The following GPAT3 variants were observed in gnomAD, a reference collection of about 807,000 sequenced individuals.
GPAT3 encodes 1-AGP acyltransferase 9.
A neutral mutation model predicts 58.8 loss-of-function variants in GPAT3; 53 were observed. The observed-to-expected ratio is 0.90, with a 90% CI of 0.72 to 1.13. GPAT3 has a LOEUF of 1.13. Ranked by LOEUF, GPAT3 falls within the 50% of genes most tolerant of loss-of-function variation. GPAT3 has a pLI of 0.00. For synonymous variants in GPAT3, 197 were observed against 187.4 expected (o/e 1.05, Z -0.42); for missense variants, 511 against 527.6 (o/e 0.97, Z 0.31).
At chr4:83,547,522 G>A (rs566594721) in intron 2 of GPAT3, among the ~76,000 whole-genome samples, 111 of 152,076 alleles carry the variant, frequency 7.3e-4, no homozygotes, top group Non-Finnish European at 1.3e-3. Context: ...AAAGTGCTGG[G>A]ATTACAGGCG....
At chr4:83,577,132 C>T (rs1190921954) in intron 2 of GPAT3, among the ~76,000 whole-genome samples, 3 of 152,060 alleles carry the variant, frequency 2.0e-5, no homozygotes, top group Non-Finnish European at 2.9e-5. Flanking sequence ...CATGAAGAAA[C>T]GTTAGGCAAA....
chr4:83,544,979 C>T (rs1724453495), intron 2 of GPAT3, among the ~76,000 whole-genome samples: 1 of 152,014 alleles, frequency 6.6e-6, no homozygotes, highest in Non-Finnish European at 1.5e-5. Flanking sequence ...ACTTGTGATT[C>T]TCAAAGTATG....
At chr4:83,586,433 G>C (rs1409411830) in intron 3 of GPAT3, among the ~76,000 whole-genome samples, 1 of 152,124 alleles carries the variant, frequency 6.6e-6, no homozygotes, top group African/African-American at 2.4e-5. Context: ...ACACGTGTGT[G>C]CTCTTCTGGG....
intron 2 of GPAT3, among the ~76,000 whole-genome samples, chr4:83,558,213 TAAAA>T (rs1303582348): frequency 6.8e-6 from 1 of 146,030 alleles, no homozygotes; most frequent in Non-Finnish European, 1.5e-5. Flanking sequence ...GCCTCTGTCT[TAAAA>T]AAAAAAAAGA....
chr4:83,580,242 C>T (rs749965610), intron 2 of GPAT3, among the ~76,000 whole-genome samples: 4 of 152,106 alleles, frequency 2.6e-5, no homozygotes, highest in South Asian at 2.1e-4. Context: ...ACAGTAACAG[C>T]ACAGAGAGGA....
At chr4:83,592,974 C>G (rs1183285292) in intron 6 of GPAT3, among the ~76,000 whole-genome samples, 1 of 151,492 alleles carries the variant, frequency 6.6e-6, no homozygotes, top group Non-Finnish European at 1.5e-5. Context: ...TCAAGTGATT[C>G]TCCTGCCTTA....
chr4:83,581,920 G>A, intron 3 of GPAT3, 88 bp downstream of exon 3: 1 of 1,500,760 alleles, frequency 6.7e-7, no homozygotes, highest in Non-Finnish European at 9.0e-7. Flanking sequence ...AGTGTTCTGT[G>A]GTGCTTATTC....
intron 3 of GPAT3, among the ~76,000 whole-genome samples, chr4:83,584,672 A>G (rs1726311542): frequency 6.6e-6 from 1 of 152,090 alleles, no homozygotes; most frequent in African/African-American, 2.4e-5. Flanking sequence ...TGCCTGGCTA[A>G]TTTTTGTATT....
chr4:83,585,723 G>A (rs139145524), intron 3 of GPAT3, among the ~76,000 whole-genome samples: 3 of 151,566 alleles, frequency 2.0e-5, no homozygotes, highest in East Asian at 1.9e-4. Flanking sequence ...AGCGGTTCTC[G>A]TTACAGGGAT....
intron 2 of GPAT3, among the ~76,000 whole-genome samples, chr4:83,556,701 T>C (rs1257599523): frequency 5.3e-5 from 8 of 151,958 alleles, no homozygotes; most frequent in Non-Finnish European, 8.8e-5. Flanking sequence ...ATAATCAGCA[T>C]TGATTATTTT....
chr4:83,559,120 G>A (rs80108688), intron 2 of GPAT3, among the ~76,000 whole-genome samples: 1,539 of 152,320 alleles, frequency 0.01, 10 homozygotes, highest in Non-Finnish European at 0.016. Flanking sequence ...AGGATAAATA[G>A]TTTAGAATTT....
At chr4:83,542,299 A>T (rs983807870) in intron 1 of GPAT3, among the ~76,000 whole-genome samples, 1 of 152,256 alleles carries the variant, frequency 6.6e-6, no homozygotes, top group African/African-American at 2.4e-5. Context: ...AGCTTTAAGT[A>T]AAAAACTATG....
rs566058785 is a variant in GPAT3 at position 83,575,087 on chromosome 4, A to G, written c.209-6475A>G. Among the ~76,000 whole-genome samples, 14 of 152,126 alleles carry G rather than the reference A, an allele frequency of 9.2e-5. No individual in the cohort carries two copies. In the East Asian group the frequency reaches 2.7e-3, roughly 30 times the overall value. The stretch of plus-strand genomic sequence containing the variant: ...GAGGTGGGGTTTCACCGTGTTAGCC[A>G]GGATGGTCTCGATCTCCTGACCTCG... On this transcript the variant is annotated intron_variant, in intron 2 of 11. Coordinates refer to ENST00000264409, the MANE Select transcript of GPAT3 (RefSeq NM_032717.5).
intron 11 of GPAT3, among the ~76,000 whole-genome samples, chr4:83,600,771 G>A (rs1727027495): frequency 6.6e-6 from 1 of 152,088 alleles, no homozygotes; most frequent in South Asian, 2.1e-4. Context: ...TAGAGTGCTA[G>A]GATTACAGAC....
chr4:83,537,625 G>GTGTATA (rs138199995), intron 1 of GPAT3, among the ~76,000 whole-genome samples: 108 of 147,690 alleles, frequency 7.3e-4, no homozygotes, highest in African/African-American at 1.4e-3. Flanking sequence ...GTGTGTGTGT[G>GTGTATA]TATATTTAAC....
rs181313662 is a variant in GPAT3 at position 83,583,295 on chromosome 4, A to C, written c.479+1463A>C. Among the ~76,000 whole-genome samples the C allele has an allele frequency of 7.6e-3, 1,151 of 150,716 alleles. 6 individuals are homozygous for C. Among genetic ancestry groups the C allele is most frequent in the Non-Finnish European group, 0.013 (893 of 67,514 alleles). ...GCAACAGAGCGAGACTGCGTATCCAAAAAAAAAAGAAAGAAAGAAAGAAAA... is the reference window on the plus strand; with the variant it reads ...GCAACAGAGCGAGACTGCGTATCCACAAAAAAAAGAAAGAAAGAAAGAAAA... On this transcript the variant is annotated intron_variant, in intron 3 of 11. Transcript: ENST00000264409.
upstream of GPAT3, chr4:83,536,032 C>T (rs559935888): frequency 1.7e-5 from 17 of 985,432 alleles, 1 homozygote; most frequent in African/African-American, 2.6e-4. Flanking sequence ...TGCCAGGGAG[C>T]TCCCCCGTTG....
intron 2 of GPAT3, among the ~76,000 whole-genome samples, chr4:83,547,341 CT>C (rs1560602716): frequency 6.7e-6 from 1 of 150,034 alleles, no homozygotes; most frequent in Non-Finnish European, 1.5e-5. Flanking sequence ...CAAGCTCCGC[CT>C]CCCAGATTCA....
At chr4:83,543,376 A>G (rs996848557) in intron 1 of GPAT3, among the ~76,000 whole-genome samples, 29 of 152,238 alleles carry the variant, frequency 1.9e-4, no homozygotes, top group African/African-American at 6.8e-4. Flanking sequence ...TGAAAAGTTC[A>G]CTAGCAGTTT....
Sources: allele counts gnomAD v4.1 joint callset (sites outside exome capture counted in the v4.1 genomes callset), GRCh38; gene constraint gnomAD v4.1.1; transcripts MANE v1.5; gene names NCBI Gene and HGNC (gene_info 2026-07-23, HGNC 2026-07-21).